UBE3A: variants seen among roughly 807,000 people sequenced by gnomAD.
UBE3A encodes the protein ubiquitin protein ligase E3A, also known as ubiquitin-protein ligase E3A.
In UBE3A, 6 loss-of-function variants were observed where a neutral mutation model predicts 83.4. The ratio of observed to expected loss-of-function variants is 0.07; its 90% CI spans 0.04 to 0.14. The LOEUF (loss-of-function observed/expected upper bound fraction) is 0.14, where lower values mean the gene tolerates loss of function less well. Ranked by LOEUF, UBE3A falls within the 10% of genes least tolerant of loss-of-function variation. The pLI, the probability that UBE3A is intolerant of heterozygous loss-of-function variation, is 1.00. For synonymous variants in UBE3A, 337 were observed against 355.4 expected, an observed-to-expected ratio of 0.95 and a Z score of 0.58; for missense variants, 456 against 1,036.1, an observed-to-expected ratio of 0.44 and a Z score of 7.69.
intron 7 of UBE3A, 85 bp downstream of exon 7, chr15:25,360,298 G>A (rs937042390): frequency 6.3e-7 from 1 of 1,574,804 alleles, no homozygotes; most frequent in Non-Finnish European, 8.7e-7. Flanking sequence ...GCTCTTCATA[G>A]CTGAAAATAT....
At chr15:25,355,590 C>T (rs903676671) in intron 9 of UBE3A, among the ~76,000 whole-genome samples, 2 of 152,094 alleles carry the variant, frequency 1.3e-5, no homozygotes, top group Admixed American at 1.3e-4. Flanking sequence ...TCATGAGGTT[C>T]CTGCTTACAG....
In UBE3A at chr15:25,371,550, G is replaced by A. The variant is rs112484472; in HGVS notation, c.624C>T (p.Ser208=). Residue 208 remains serine, a synonymous_variant, in exon 6 of 13, where the codon TCC becomes TCT. Transcript: ENST00000648336. The surrounding 1 kb of genome is among the most constrained non-coding windows in gnomAD (Gnocchi z 5.3). The part of the protein sequence containing the change: ...AAMEEDSEAS[S]SRIGDSSQGD... ...CCTGTGAGCTATCACCTATCCTTGA[G>A]GAAGATGCTTCTGAGTCTTCTTCCA... 2.6e-5 allele frequency: 42 copies of A among 1,614,012 alleles called. No individual in the cohort carries two copies. The highest frequency in any genetic ancestry group is 3.5e-5 in the Non-Finnish European group (41 of 1,180,024).
chr15:25,353,776 T>C (rs1325826696), intron 11 of UBE3A, among the ~76,000 whole-genome samples: 1 of 152,098 alleles, frequency 6.6e-6, no homozygotes, highest in Non-Finnish European at 1.5e-5. Context: ...CTTTCAGAAT[T>C]GGATGATGTA....
At chr15:25,342,213 C>T (rs1474321488) in intron 11 of UBE3A, among the ~76,000 whole-genome samples, 1 of 151,844 alleles carries the variant, frequency 6.6e-6, no homozygotes, top group Non-Finnish European at 1.5e-5. Context: ...GAAAAGCTGC[C>T]CTGCAGTGGG....
intron 11 of UBE3A, chr15:25,353,930 A>T: frequency 4.2e-6 from 1 of 240,488 alleles, no homozygotes; most frequent in Non-Finnish European, 8.2e-6. Flanking sequence ...TGGACATATT[A>T]TCTTAAGAAT....
At chr15:25,412,475 T>C (rs539053930) in intron 1 of UBE3A, among the ~76,000 whole-genome samples, 6 of 152,260 alleles carry the variant, frequency 3.9e-5, no homozygotes, top group African/African-American at 1.2e-4. Flanking sequence ...TAAAAAGTTA[T>C]AGTATAATGC....
chr15:25,360,798 T>G (rs989726062), intron 6 of UBE3A, among the ~76,000 whole-genome samples: 5 of 149,296 alleles, frequency 3.3e-5, no homozygotes, highest in African/African-American at 1.3e-4. Context: ...TAATTAAGAT[T>G]TTATTACTTG....
At chr15:25,355,301 T>C (rs942447118) in intron 9 of UBE3A, among the ~76,000 whole-genome samples, 6 of 152,120 alleles carry the variant, frequency 3.9e-5, no homozygotes, top group African/African-American at 1.4e-4. Flanking sequence ...CTGTATCAAA[T>C]CATAAAAGGA....
intron 11 of UBE3A, among the ~76,000 whole-genome samples, chr15:25,352,594 G>A (rs995836308): frequency 6.6e-6 from 1 of 152,236 alleles, no homozygotes; most frequent in African/African-American, 2.4e-5. Flanking sequence ...TGGTAGACCT[G>A]CTTGATGCAG....
chr15:25,371,805 A>G lies in UBE3A; in HGVS notation c.369T>C (p.Thr123=), dbSNP rs763113625. Residue 123 remains threonine (T), a synonymous_variant, in exon 6 of 13, where the codon ACT becomes ACC. Coordinates refer to ENST00000648336, the MANE Select transcript of UBE3A (RefSeq NM_130839.5). The surrounding 1 kb of genome is among the most constrained non-coding windows in gnomAD (Gnocchi z 5.3). ...CATATACCTTCTCTTCTGTTAAGTAAGTCACATCTAGAAAATCAGAGGAAA... is the reference window on the plus strand; with the variant it reads ...CATATACCTTCTCTTCTGTTAAGTAGGTCACATCTAGAAAATCAGAGGAAA... The part of the protein sequence containing the change: ...KGARIDFKDV[T]YLTEEKVYEI... 1 of 1,608,342 alleles carries G rather than the reference A, an allele frequency of 6.2e-7. No homozygotes were observed. Among genetic ancestry groups the G allele is most frequent in the East Asian group, 2.2e-5 (1 of 44,834 alleles).
chr15:25,354,739 C>T, intron 9 of UBE3A, 56 bp from the exon 10 acceptor site: 3 of 1,504,510 alleles, frequency 2.0e-6, no homozygotes, highest in Non-Finnish European at 2.7e-6. Context: ...AAACAAAACA[C>T]AAGTTATTGG....
In UBE3A at chr15:25,409,074, T is replaced by C. The variant is rs747774450; in HGVS notation, c.20+14A>G. 1 of 1,584,356 alleles carries C rather than the reference T, an allele frequency of 6.3e-7. No individual in the cohort carries two copies. The highest frequency in any genetic ancestry group is 8.6e-7 in the Non-Finnish European group (1 of 1,163,168). On this transcript the variant is annotated intron_variant, in intron 3 of 12. Transcript: ENST00000648336. ...TGACAGCCTTTTAAAGGCTGTAAAA[T>C]AATTCAAAATTACCTTTTACAAGCT...
chr15:25,341,962 T>C (rs2074920205), intron 11 of UBE3A, among the ~76,000 whole-genome samples: 1 of 152,114 alleles, frequency 6.6e-6, no homozygotes, highest in African/African-American at 2.4e-5. Context: ...AAAAGTTTTA[T>C]TAGAATTCTT....
At chr15:25,430,049 ATTTATATGTAT>A (rs1892690984) in intron 1 of UBE3A, among the ~76,000 whole-genome samples, 4 of 92,364 alleles carry the variant, frequency 4.3e-5, no homozygotes, top group East Asian at 3.9e-4. Context: ...ATATATATAT[ATTTATATGTAT>A]TATATATATA....
rs189438528 is a variant in UBE3A at position 25,392,615 on chromosome 15, C to T, written c.62+12846G>A. On this transcript the variant is annotated intron_variant, in intron 4 of 12. Coordinates refer to ENST00000648336, the MANE Select transcript of UBE3A (RefSeq NM_130839.5). ...CACAGAGATGACTACAGAGGAATAG[C>T]AATAAAAAGAGAGGCAACTTAGGAG... 6.6e-5 allele frequency among the ~76,000 whole-genome samples: 10 copies of T among 151,986 alleles called. No homozygotes were observed. In the East Asian group the frequency reaches 7.7e-4, roughly 12 times the overall value.
intron 4 of UBE3A, among the ~76,000 whole-genome samples, chr15:25,381,777 G>C (rs754684604): frequency 3.3e-5 from 5 of 152,110 alleles, no homozygotes; most frequent in African/African-American, 7.2e-5. Flanking sequence ...AATAGTTCTA[G>C]GCCTTGTAGA....
chr15:25,419,142 C>T (rs572573492), intron 1 of UBE3A: 3 of 152,224 alleles, frequency 2.0e-5, no homozygotes, highest in Middle Eastern at 6.8e-3. Context: ...ATTTAAGGCA[C>T]TAAGTTTGGG....
Position 25,339,105 on chromosome 15 carries a change from C to CTTTTTTTT in UBE3A, c.*24_*31dup. 6.9e-7 allele frequency: 1 copy of CTTTTTTTT among 1,440,478 alleles called. No individual in the cohort carries two copies. The highest frequency in any genetic ancestry group is 1.5e-5 in the South Asian group (1 of 68,836). The allele number at this position is 1,440,478 out of a possible 1,614,324, so 89.2% of individuals were successfully genotyped here. A position where few individuals can be genotyped will look rare whatever the true frequency, so the allele number is the denominator to read the frequency against. On this transcript the variant is annotated 3_prime_UTR_variant, in exon 13 of 13. Coordinates refer to ENST00000648336, the MANE Select transcript of UBE3A (RefSeq NM_130839.5). ...TAAATTTTTTCTTTTTTTTTCCTTC[C>CTTTTTTTT]TTTTTTTTGTTTTATTTTGTTTTGT...
intron 4 of UBE3A, chr15:25,391,555 G>A (rs2084390702): frequency 6.6e-6 from 1 of 152,082 alleles, no homozygotes; most frequent in Non-Finnish European, 1.5e-5. Context: ...ATAAAAACCT[G>A]TTTTATCTTA....
Sources: gnomAD v4.1 joint callset for allele counts (sites outside exome capture counted in the v4.1 genomes callset) on GRCh38, gnomAD v4.1.1 for gene constraint, Gnocchi (gnomAD v3.1) non-coding constraint, MANE v1.5 for transcripts, NCBI Gene and HGNC (gene_info 2026-07-23, HGNC 2026-07-21) for gene names.